The following PNPLA7 variants were observed in gnomAD, a reference collection of about 807,000 sequenced individuals.
PNPLA7 encodes patatin like domain 7, lysophospholipase.
PNPLA7 carries 153 observed loss-of-function variants against 161.7 expected under a neutral mutation model. The ratio of observed to expected loss-of-function variants is 0.95; its 90% confidence interval spans 0.83 to 1.08. PNPLA7 has a LOEUF of 1.08. Ranked by LOEUF, PNPLA7 falls within the 50% of genes least tolerant of loss-of-function variation. The pLI is 0.00. For synonymous variants in PNPLA7, 809 were observed against 782.1 expected, an observed-to-expected ratio of 1.03 and a Z score of -0.57; for missense variants, 1,739 against 1,856.6, an observed-to-expected ratio of 0.94 and a Z score of 1.16.
intron 8 of PNPLA7, among the ~76,000 whole-genome samples, chr9:137,528,061 C>A (rs1325395157): frequency 2.6e-5 from 4 of 152,108 alleles, no homozygotes; most frequent in African/African-American, 4.8e-5. Flanking sequence ...CTTATTAGTC[C>A]TTTTATGTCT....
Position 137,522,758 on chromosome 9 carries a change from A to C in PNPLA7, c.847T>G (p.Tyr283Asp). 6.2e-7 allele frequency: 1 copy of C among 1,613,692 alleles called. No individual in the cohort carries two copies. Among genetic ancestry groups the C allele is most frequent in the Admixed American group, 1.7e-5 (1 of 60,006 alleles). The change falls in exon 9 of 35, where the codon TAT becomes GAT. Residue 283 changes from tyrosine (Y) to aspartate (D), a missense_variant. By Grantham distance (160) the Tyr-to-Asp change is radical (BLOSUM62 -3). Coordinates refer to ENST00000406427, the MANE Select transcript of PNPLA7 (RefSeq NM_001098537.3). ...ACCACCCTCACCAGAGTTTCCGGATATTTCTCAAAAACTCCATGAAAAGCC... is the reference window on the plus strand; with the variant it reads ...ACCACCCTCACCAGAGTTTCCGGATCTTTCTCAAAAACTCCATGAAAAGCC... ...AAAFHGVFEK[Y>D]PETLVRVVQI... is the part of the protein sequence containing the mutation.
rs1831229814 is a variant in PNPLA7 at position 137,461,974 on chromosome 9, ATCTTCTCCAGCACGCCGCT to A, written c.3694_3712del (p.Ser1232CysfsTer110). The A allele has an allele frequency of 1.9e-6, 3 of 1,599,520 alleles. No individual in the cohort carries two copies. The highest frequency in any genetic ancestry group is 1.7e-6 in the Non-Finnish European group (2 of 1,176,164). On this transcript the variant is annotated frameshift_variant, in exon 32 of 35. Coordinates refer to ENST00000406427, the MANE Select transcript of PNPLA7 (RefSeq NM_001098537.3). LOFTEE classifies it high-confidence loss of function. ...GCTCGGCCCCTGCTGGTCGCGGAGC[ATCTTCTCCAGCACGCCGCT>A]GCGGCCCCAGATGTCAAACACCGTG...
chr9:137,496,217 C>T (rs1236248906), intron 18 of PNPLA7, among the ~76,000 whole-genome samples: 1 of 151,066 alleles, frequency 6.6e-6, no homozygotes, highest in Non-Finnish European at 1.5e-5. Context: ...AAGCGATTCT[C>T]CTGCCTCAGC....
In PNPLA7 at chr9:137,461,630, G is replaced by A. The variant is rs772147119; in HGVS notation, c.3757-10C>T. On this transcript the variant is annotated splice_polypyrimidine_tract_variant and intron_variant, in intron 32 of 34. Transcript: ENST00000406427. ...TGGGACAGGTGAGGACCTAGGGGTGGGGTGAGGACAGCACGTTGCCTGTGG... is the reference window on the plus strand; with the variant it reads ...TGGGACAGGTGAGGACCTAGGGGTGAGGTGAGGACAGCACGTTGCCTGTGG... The A allele has an allele frequency of 5.6e-6, 9 of 1,604,664 alleles. No homozygotes were observed. Among genetic ancestry groups the A allele is most frequent in the Non-Finnish European group, 7.7e-6 (9 of 1,174,464 alleles).
chr9:137,482,913 C>G (rs1274040684), intron 21 of PNPLA7, among the ~76,000 whole-genome samples: 3 of 152,216 alleles, frequency 2.0e-5, no homozygotes, highest in African/African-American at 7.2e-5. Flanking sequence ...TACTCTGTTG[C>G]CCAGGCTGGA....
intron 21 of PNPLA7, among the ~76,000 whole-genome samples, chr9:137,482,676 A>G (rs1832278827): frequency 6.6e-6 from 1 of 152,238 alleles, no homozygotes; most frequent in Non-Finnish European, 1.5e-5. Context: ...ACACTGCACC[A>G]CACACACCCA....
At chr9:137,465,975 C>T (rs984946969) in intron 26 of PNPLA7, among the ~76,000 whole-genome samples, 2 of 152,156 alleles carry the variant, frequency 1.3e-5, no homozygotes, top group Non-Finnish European at 2.9e-5. Context: ...TTCTGGAATC[C>T]ATTTATCACA....
At chr9:137,542,501 A>T in intron 7 of PNPLA7, 141 bp downstream of exon 7, 1 of 1,000,052 alleles carries the variant, frequency 1.0e-6, no homozygotes, top group Non-Finnish European at 1.4e-6. Context: ...ATAAAAAATA[A>T]AAACGGTGAG....
At chr9:137,492,117 A>T in intron 20 of PNPLA7, 7 of 985,340 alleles carry the variant, frequency 7.1e-6, no homozygotes, top group Non-Finnish European at 8.4e-6. Flanking sequence ...GGACCTGGTG[A>T]GAGAGGACAG....
intron 11 of PNPLA7, among the ~76,000 whole-genome samples, chr9:137,518,303 C>G (rs1169953571): frequency 7.5e-6 from 1 of 132,948 alleles, no homozygotes; most frequent in African/African-American, 3.2e-5. Flanking sequence ...TCACTGACTC[C>G]ACTCTGTCCA....
rs749579821 is a variant in PNPLA7, at chr9:137,498,163, C to T, written c.1840G>A (p.Asp614Asn). Residue 614 changes from aspartate (D) to asparagine (N), a missense_variant, in exon 17 of 35, where the codon GAC becomes AAC. By Grantham distance (23) the Asp-to-Asn change is conservative. Transcript: ENST00000406427. The part of the protein sequence containing the change: ...KRMSSFVRQI[D>N]FALDWVEVEA... ...ACCTCCACCCAGTCCAGGGCAAAGT[C>T]GATTTGCCGCACGAAGGACGACATC... is the stretch of plus-strand genomic sequence containing the variant. 7.3e-5 allele frequency: 117 copies of T among 1,612,932 alleles called. No homozygotes were observed. In the East Asian group the frequency reaches 1.6e-3, roughly 23 times the overall value.
chr9:137,505,763 G>A lies in PNPLA7; in HGVS notation c.1327-3C>T. 2.5e-6 allele frequency: 4 copies of A among 1,613,528 alleles called. No individual in the cohort carries two copies. The highest frequency in any genetic ancestry group is 2.5e-6 in the Non-Finnish European group (3 of 1,179,638). ...GCAACCATCACGCTTTTCCTGGACT[G>A]GAGAAGAACGGAGATACCGGCAATT... On this transcript the variant is annotated splice_polypyrimidine_tract_variant and splice_region_variant and intron_variant, in intron 13 of 34. Coordinates refer to ENST00000406427, the MANE Select transcript of PNPLA7 (RefSeq NM_001098537.3).
chr9:137,480,174 G>C (rs995446323), intron 23 of PNPLA7, 138 bp downstream of exon 23: 10 of 1,258,856 alleles, frequency 7.9e-6, no homozygotes, highest in Non-Finnish European at 8.7e-6. Flanking sequence ...TTAAAACATG[G>C]GTAGCAGATA....
Position 137,478,022 on chromosome 9 carries a change from G to A in PNPLA7, c.2882+12C>T, listed in dbSNP as rs370078901. 461 of 1,412,216 alleles carry A rather than the reference G, an allele frequency of 3.3e-4. No individual in the cohort carries two copies. The highest frequency in any genetic ancestry group is 4.1e-4 in the Non-Finnish European group (444 of 1,077,536). The allele number at this position is 1,412,216 out of a possible 1,614,324, so 87.5% of individuals were successfully genotyped here. A position where few individuals can be genotyped will look rare whatever the true frequency, so the allele number is the denominator to read the frequency against. On this transcript the variant is annotated intron_variant, in intron 25 of 34. Coordinates refer to ENST00000406427, the MANE Select transcript of PNPLA7 (RefSeq NM_001098537.3). ...CACCAGTGAGGAGTGTGTAGGAAGC[G>A]GGGGGACTCACCTTGCTCCCCCTCC...
At position 137,490,327 on chromosome 9, in the gene PNPLA7, G is replaced by C. The variant is rs187215201; in HGVS notation, c.2197+2686C>G. Among the ~76,000 whole-genome samples, 1 of 152,228 alleles carries C rather than the reference G, an allele frequency of 6.6e-6. No homozygotes were observed. The highest frequency in any genetic ancestry group is 1.9e-4 in the East Asian group (1 of 5,176). ...GCCCGGGCTGGTCTCGAACTCTTGG[G>C]CTCAAATAATCCTCCTGTCTCGGCC... On this transcript the variant is annotated intron_variant, in intron 20 of 34. Coordinates refer to ENST00000406427, the MANE Select transcript of PNPLA7 (RefSeq NM_001098537.3). The surrounding 1 kb of genome is among the most constrained non-coding windows in gnomAD (Gnocchi z 4.1).
In PNPLA7 at chr9:137,478,158, G is replaced by C. The variant is rs760315946; in HGVS notation, c.2764-6C>G. On this transcript the variant is annotated splice_polypyrimidine_tract_variant and splice_region_variant and intron_variant, in intron 24 of 34. Transcript: ENST00000406427. ...ACATGCTTGTACATCTCCACCTGGG[G>C]GAGGAGCCGTCAGGCAGGGCTGGTG... 2 of 1,286,266 alleles carry C rather than the reference G, an allele frequency of 1.6e-6. No homozygotes were observed. Among genetic ancestry groups the C allele is most frequent in the Non-Finnish European group, 2.0e-6 (2 of 1,006,788 alleles). The allele number at this position is 1,286,266 out of a possible 1,614,324, so 79.7% of individuals were successfully genotyped here.
chr9:137,479,091 G>A lies in PNPLA7; in HGVS notation c.2728C>T (p.Arg910Cys), dbSNP rs536922715. 170 of 1,597,878 alleles carry A rather than the reference G, an allele frequency of 1.1e-4. 1 individual carries two copies. The highest frequency in any genetic ancestry group is 6.5e-4 in the South Asian group (58 of 89,080). The change falls in exon 24 of 35, where the codon CGC becomes TGC. Residue 910 changes from arginine (R) to cysteine (C), a missense_variant. Transcript: ENST00000406427. ...CSGHLHLCCP[R>C]RVFSRRSLPK... ...AGGCTCCTCCTGGAGAAGACGCGGC[G>A]CGGGCAGCAGAGGTGCAGGTGGCCG...
At chr9:137,479,811 T>C in intron 23 of PNPLA7, 2 of 985,460 alleles carry the variant, frequency 2.0e-6, no homozygotes, top group Non-Finnish European at 2.4e-6. Flanking sequence ...TCTGGGAACC[T>C]GCAGACACAG....
At chr9:137,465,416 C>G (rs1327505193) in intron 26 of PNPLA7, among the ~76,000 whole-genome samples, 2 of 152,202 alleles carry the variant, frequency 1.3e-5, no homozygotes, top group African/African-American at 4.8e-5. Flanking sequence ...ACACCTGGCC[C>G]CCCAGCCCCA....
Sources: allele counts gnomAD v4.1 joint callset (sites outside exome capture counted in the v4.1 genomes callset), GRCh38; gene constraint gnomAD v4.1.1; non-coding constraint Gnocchi (gnomAD v3.1); transcripts MANE v1.5; gene names NCBI Gene and HGNC (gene_info 2026-07-23, HGNC 2026-07-21).